Variants in PAFAH1B1 observed in about 807,000 individuals in gnomAD.
PAFAH1B1 encodes the protein platelet-activating factor acetylhydrolase IB subunit beta.
PAFAH1B1 carries 2 observed loss-of-function variants against 57.5 expected under a neutral mutation model. The observed-to-expected ratio is 0.03, with a 90% CI of 0.01 to 0.11. The LOEUF is 0.11. Ranked by LOEUF, PAFAH1B1 falls within the 10% of genes least tolerant of loss-of-function variation. PAFAH1B1 has a pLI of 1.00. For synonymous variants in PAFAH1B1, 152 were observed against 169.6 expected (o/e 0.90, Z 0.81); for missense variants, 257 against 512.0 (o/e 0.50, Z 4.81).
At chr17:2,674,385 T>TA in intron 8 of PAFAH1B1, 97 bp downstream of exon 8, 1 of 846,486 alleles carries the variant, frequency 1.2e-6, no homozygotes, top group African/African-American at 1.7e-5. Context: ...TTAATGCATT[T>TA]AAAAATCTGC....
At chr17:2,593,590 G>GGGCGGC (rs552674446), upstream of PAFAH1B1, among the ~76,000 whole-genome samples, 20,165 of 148,692 alleles carry the variant, frequency 0.14, 1,526 homozygotes, top group South Asian at 0.32. Flanking sequence ...GGCGGGTCTG[G>GGGCGGC]GGCGGCGGCG....
At chr17:2,593,222 G>A (rs1008125441), upstream of PAFAH1B1, 1 of 152,124 alleles carries the variant, frequency 6.6e-6, no homozygotes, top group African/African-American at 2.4e-5. Context: ...GCAGAAAGGG[G>A]CGGTAGGTGG....
At chr17:2,629,021 T>G (rs2068525230) in intron 1 of PAFAH1B1, among the ~76,000 whole-genome samples, 2 of 152,204 alleles carry the variant, frequency 1.3e-5, no homozygotes, top group Non-Finnish European at 2.9e-5. Context: ...CAATTTTGTT[T>G]TATCTTTTCA....
intron 9 of PAFAH1B1, 196 bp from the exon 10 acceptor site, chr17:2,679,968 C>T (rs928205349): frequency 4.2e-5 from 25 of 594,256 alleles, no homozygotes; most frequent in Non-Finnish European, 6.6e-5. Flanking sequence ...ATCCAGGACC[C>T]AGTCAGGGAT....
chr17:2,600,123 G>T (rs2068124469), intron 1 of PAFAH1B1, among the ~76,000 whole-genome samples: 1 of 151,418 alleles, frequency 6.6e-6, no homozygotes, highest in African/African-American at 2.4e-5. Context: ...GGGACCACAG[G>T]CACATACCAC....
intron 1 of PAFAH1B1, among the ~76,000 whole-genome samples, chr17:2,631,658 TCTCA>T (rs1350992491): frequency 6.6e-6 from 1 of 152,182 alleles, no homozygotes; most frequent in Non-Finnish European, 1.5e-5. Flanking sequence ...GGTCTTCCTT[TCTCA>T]CTTCTGCAGT....
intron 2 of PAFAH1B1, among the ~76,000 whole-genome samples, chr17:2,639,048 C>T (rs1440834473): frequency 2.6e-5 from 4 of 152,014 alleles, no homozygotes; most frequent in East Asian, 1.9e-4. Flanking sequence ...TACAGGTGAC[C>T]GTCAACACGC....
At chr17:2,632,460 C>CT (rs1183910267) in intron 1 of PAFAH1B1, among the ~76,000 whole-genome samples, 1 of 152,114 alleles carries the variant, frequency 6.6e-6, no homozygotes, top group East Asian at 1.9e-4. Flanking sequence ...CTTTCTATCT[C>CT]TTTTTTCTTC....
chr17:2,600,938 G>A (rs1417684679), intron 1 of PAFAH1B1, among the ~76,000 whole-genome samples: 1 of 151,932 alleles, frequency 6.6e-6, no homozygotes, highest in Non-Finnish European at 1.5e-5. Flanking sequence ...CGCCATATTG[G>A]CCAGGCTGAT....
chr17:2,657,561 T>G (rs989802828), intron 2 of PAFAH1B1, among the ~76,000 whole-genome samples: 3 of 152,178 alleles, frequency 2.0e-5, no homozygotes, highest in African/African-American at 4.8e-5. Flanking sequence ...TTGAATTTGA[T>G]CAGATGTTTT....
At chr17:2,631,720 A>G (rs893573113) in intron 1 of PAFAH1B1, among the ~76,000 whole-genome samples, 2 of 152,054 alleles carry the variant, frequency 1.3e-5, no homozygotes, top group African/African-American at 2.4e-5. Context: ...TGCAGGAGCA[A>G]TCCGCTTCCT....
chr17:2,623,630 G>GT (rs59737147), intron 1 of PAFAH1B1, among the ~76,000 whole-genome samples: 9,914 of 132,914 alleles, frequency 0.075, 841 homozygotes, highest in African/African-American at 0.22. Flanking sequence ...CTACTTCCCC[G>GT]TTTTTTTTTT....
At chr17:2,631,248 A>AAAAAAGAAAG (rs1448179206) in intron 1 of PAFAH1B1, among the ~76,000 whole-genome samples, 1 of 152,032 alleles carries the variant, frequency 6.6e-6, no homozygotes, top group Non-Finnish European at 1.5e-5. Flanking sequence ...GTCTCAAAAA[A>AAAAAAGAAAG]AAAAAGAAAG....
intron 2 of PAFAH1B1, among the ~76,000 whole-genome samples, chr17:2,658,928 G>A (rs1434073016): frequency 6.6e-6 from 1 of 152,126 alleles, no homozygotes; most frequent in Non-Finnish European, 1.5e-5. Flanking sequence ...CCCTTTCCCT[G>A]AAGAGTCAGT....
At chr17:2,604,568 C>G (rs190864556) in intron 1 of PAFAH1B1, among the ~76,000 whole-genome samples, 138 of 152,188 alleles carry the variant, frequency 9.1e-4, no homozygotes, top group Non-Finnish European at 1.6e-3. Flanking sequence ...CCCAGCACTT[C>G]GAGAGGCTGA....
At chr17:2,673,808 G>T (rs1388510871) in intron 7 of PAFAH1B1, 7 of 465,608 alleles carry the variant, frequency 1.5e-5, no homozygotes, top group South Asian at 7.3e-5. Context: ...TTTTAAGTGT[G>T]CATTTAGTTT....
Position 2,680,011 on chromosome 17 carries a change from G to A in PAFAH1B1, c.1003-153G>A, listed in dbSNP as rs902722423. 2.1e-5 allele frequency: 15 copies of A among 730,162 alleles called. No individual in the cohort carries two copies. The African/African-American group carries it at 2.3e-4, about 11-fold the overall frequency. 45.2% of individuals were successfully genotyped at this position (730,162 alleles called of 1,614,324 possible). A position where few individuals can be genotyped will look rare whatever the true frequency, so the allele number is the denominator to read the frequency against. ...TATATTCACTCCTCATGTCTTATGA[G>A]TTTTCAGTTTCCTTTAATCTAGAAT... is the stretch of plus-strand genomic sequence containing the variant. On this transcript the variant is annotated intron_variant, in intron 9 of 10. Coordinates refer to ENST00000397195, the MANE Select transcript of PAFAH1B1 (RefSeq NM_000430.4).
At chr17:2,625,118 G>A (rs1166509119) in intron 1 of PAFAH1B1, among the ~76,000 whole-genome samples, 1 of 151,788 alleles carries the variant, frequency 6.6e-6, no homozygotes, top group Non-Finnish European at 1.5e-5. Flanking sequence ...GCATTGGATA[G>A]CAGATACGTG....
chr17:2,679,953 C>A lies in PAFAH1B1; in HGVS notation c.1003-211C>A, dbSNP rs947718932. ...AATGCCCTGCGGGACTTCTTTTTAA[C>A]CCTCATCCAGGACCCAGTCAGGGAT... On this transcript the variant is annotated intron_variant, in intron 9 of 10. Transcript: ENST00000397195. 5.3e-6 allele frequency: 3 copies of A among 568,686 alleles called. No homozygotes were observed. The East Asian group carries it at 8.9e-5, about 17-fold the overall frequency. 35.2% of individuals were successfully genotyped at this position (568,686 alleles called of 1,614,324 possible). A position where few individuals can be genotyped will look rare whatever the true frequency, so the allele number is the denominator to read the frequency against.
Sources: allele counts gnomAD v4.1 joint callset (sites outside exome capture counted in the v4.1 genomes callset), GRCh38; gene constraint gnomAD v4.1.1; transcripts MANE v1.5; gene names NCBI Gene and HGNC (gene_info 2026-07-23, HGNC 2026-07-21).